CHIC2: variants seen among roughly 807,000 people sequenced by gnomAD.
CHIC2 encodes the protein cysteine rich hydrophobic domain 2, also known as cysteine-rich hydrophobic domain-containing protein 2.
Under a neutral mutation model 25.9 loss-of-function variants are expected in CHIC2, and 14 were observed. The ratio of observed to expected loss-of-function variants is 0.54; its 90% CI spans 0.36 to 0.85. CHIC2 has a LOEUF of 0.85. Among genes scored for constraint, CHIC2 ranks in the 40% least tolerant of loss-of-function variants. The pLI is 0.01. For missense variants in CHIC2, 146 were observed against 202.0 expected (o/e 0.72, Z 1.68); for synonymous variants, 70 against 72.0 (o/e 0.97, Z 0.14).
intron 3 of CHIC2, among the ~76,000 whole-genome samples, chr4:54,021,151 C>A (rs1291904084): frequency 1.3e-5 from 2 of 152,176 alleles, no homozygotes; most frequent in African/African-American, 4.8e-5. Context: ...AACCTAAATG[C>A]CTTATTTTCT....
At chr4:54,011,347 T>G (rs1316946195) in intron 5 of CHIC2, among the ~76,000 whole-genome samples, 2 of 152,144 alleles carry the variant, frequency 1.3e-5, no homozygotes, top group Non-Finnish European at 2.9e-5. Context: ...TTTGCCACTC[T>G]CCTGACCTGT....
chr4:54,025,015 T>C (rs1039217597), intron 3 of CHIC2, among the ~76,000 whole-genome samples: 3 of 152,050 alleles, frequency 2.0e-5, no homozygotes, highest in African/African-American at 4.8e-5. Context: ...AGAAACATCG[T>C]CCATTATGTC....
the CHIC2 span, among the ~76,000 whole-genome samples, chr4:54,085,232 C>G: frequency 6.6e-6 from 1 of 152,118 alleles, no homozygotes; most frequent in Admixed American, 6.6e-5. Context: ...TTACATCTAT[C>G]TTCTGAATTA....
intron 3 of CHIC2, among the ~76,000 whole-genome samples, chr4:54,028,285 T>C (rs1331489661): frequency 6.6e-6 from 1 of 152,206 alleles, no homozygotes; most frequent in Non-Finnish European, 1.5e-5. Context: ...TCTCTGCTGG[T>C]AGGTATAAAG....
upstream of CHIC2, chr4:54,064,728 G>C (rs1037811021): frequency 2.0e-5 from 18 of 902,816 alleles, no homozygotes; most frequent in African/African-American, 7.2e-5. This position sits in a 1 kb window ranked among gnomAD's most constrained non-coding sequence, Gnocchi z 4.2. Flanking sequence ...CTGGCGGGCG[G>C]GCGGGCGCGC....
At chr4:54,087,760 G>A in the CHIC2 span, 1 of 485,142 alleles carries the variant, frequency 2.1e-6, no homozygotes, top group Non-Finnish European at 3.8e-6. Flanking sequence ...AGTAGCTTCT[G>A]CTAAGTACCA....
the CHIC2 span, among the ~76,000 whole-genome samples, chr4:54,088,248 G>T: frequency 3.3e-5 from 5 of 151,968 alleles, no homozygotes; most frequent in Admixed American, 2.6e-4. Context: ...CGTCTATGTT[G>T]TTCCTTAGGC....
upstream of CHIC2, among the ~76,000 whole-genome samples, chr4:54,068,651 C>G (rs137992498): frequency 2.8e-3 from 427 of 152,286 alleles, no homozygotes; most frequent in African/African-American, 9.7e-3. Context: ...ACAACAACAA[C>G]CAACACAGAA....
chr4:54,059,387 A>T (rs931682428), intron 1 of CHIC2, among the ~76,000 whole-genome samples: 9 of 151,968 alleles, frequency 5.9e-5, no homozygotes, highest in South Asian at 2.1e-4. Context: ...TAATTTTTTT[A>T]AAAAATTAGC....
chr4:54,064,208 G>A lies in CHIC2; in HGVS notation c.93C>T (p.Val31=), dbSNP rs755729806. 3.1e-6 allele frequency: 5 copies of A among 1,605,852 alleles called. No individual in the cohort carries two copies. The highest frequency in any genetic ancestry group is 4.3e-6 in the Non-Finnish European group (5 of 1,176,412). ...QLLKYSPDPV[V]VRGSGHVTVF... Reference sequence around the variant, plus strand: ...CGGTGACGTGACCGGAGCCGCGGACGACCACCGGGTCCGGCGAGTACTTGA... The same window carrying A: ...CGGTGACGTGACCGGAGCCGCGGACAACCACCGGGTCCGGCGAGTACTTGA... The change falls in exon 1 of 6, where the codon GTC becomes GTT. Residue 31 remains valine, a synonymous_variant. Coordinates refer to ENST00000263921, the MANE Select transcript of CHIC2 (RefSeq NM_012110.4). This position sits in a 1 kb window ranked among gnomAD's most constrained non-coding sequence, Gnocchi z 4.2.
intron 5 of CHIC2, among the ~76,000 whole-genome samples, chr4:54,013,022 G>C (rs768758765): frequency 2.6e-5 from 4 of 151,996 alleles, no homozygotes; most frequent in Non-Finnish European, 5.9e-5. Context: ...CAGAAATGTT[G>C]TAACAGGTAC....
intron 3 of CHIC2, among the ~76,000 whole-genome samples, chr4:54,020,765 A>C (rs920860127): frequency 1.3e-5 from 2 of 152,092 alleles, no homozygotes; most frequent in Non-Finnish European, 2.9e-5. Flanking sequence ...GACACATTTT[A>C]TCCATGGACC....
chr4:54,072,302 A>C, the CHIC2 span, among the ~76,000 whole-genome samples: 2 of 138,750 alleles, frequency 1.4e-5, no homozygotes, highest in Non-Finnish European at 3.1e-5. Context: ...ACTCCATCTC[A>C]AAAAAAAAAA....
the CHIC2 span, among the ~76,000 whole-genome samples, chr4:54,078,416 T>C: frequency 2.0e-5 from 3 of 152,304 alleles, no homozygotes; most frequent in African/African-American, 7.2e-5. Flanking sequence ...TAAAATAATA[T>C]AGGAACAACC....
chr4:54,016,208 T>C (rs1271118715), intron 3 of CHIC2, among the ~76,000 whole-genome samples: 1 of 152,174 alleles, frequency 6.6e-6, no homozygotes, highest in Admixed American at 6.6e-5. Context: ...AAAAGCTTAA[T>C]ACTACATTCT....
the CHIC2 span, among the ~76,000 whole-genome samples, chr4:54,083,018 CTTTTTTTTTTTTT>C: frequency 6.0e-3 from 410 of 67,946 alleles, 10 homozygotes; most frequent in African/African-American, 0.025. Context: ...TTCTTTCTTT[CTTTTTTTTTTTTT>C]TTTTTTTTTT....
intron 3 of CHIC2, among the ~76,000 whole-genome samples, chr4:54,025,581 G>A (rs979573122): frequency 6.6e-5 from 10 of 152,098 alleles, no homozygotes; most frequent in African/African-American, 1.7e-4. Context: ...GGTAAAGGCC[G>A]GGCGCAATAG....
upstream of CHIC2, among the ~76,000 whole-genome samples, chr4:54,068,882 A>T (rs1382025661): frequency 6.6e-6 from 1 of 152,220 alleles, no homozygotes; most frequent in African/African-American, 2.4e-5. Context: ...CTGACCAGCT[A>T]TAAATTGGGG....
the CHIC2 span, among the ~76,000 whole-genome samples, chr4:54,083,131 T>TCAGC: frequency 2.1e-5 from 3 of 143,796 alleles, no homozygotes; most frequent in African/African-American, 7.7e-5. Context: ...TTCTCCTGCC[T>TCAGC]CAGCCAGCCA....
Sources: gnomAD v4.1 joint callset for allele counts (sites outside exome capture counted in the v4.1 genomes callset) on GRCh38, gnomAD v4.1.1 for gene constraint, Gnocchi (gnomAD v3.1) non-coding constraint, MANE v1.5 for transcripts, NCBI Gene and HGNC (gene_info 2026-07-23, HGNC 2026-07-21) for gene names.